NAV3: variants seen among roughly 807,000 people sequenced by gnomAD.
The protein encoded by NAV3 is neuron navigator 3.
A neutral mutation model predicts 244.7 loss-of-function variants in NAV3; 87 were observed. The ratio of observed to expected loss-of-function variants is 0.36; its 90% CI spans 0.30 to 0.42. The LOEUF (loss-of-function observed/expected upper bound fraction) is 0.42. Among genes scored for constraint, NAV3 ranks in the 20% least tolerant of loss-of-function variants. The pLI is 1.00. For missense variants in NAV3, 2,663 were observed against 2,893.3 expected, an observed-to-expected ratio of 0.92 and a Z score of 1.83; for synonymous variants, 1,126 against 1,042.2, an observed-to-expected ratio of 1.08 and a Z score of -1.55.
chr12:77,582,387 G>T (rs1261782383), intron 2 of NAV3, among the ~76,000 whole-genome samples: 1 of 152,186 alleles, frequency 6.6e-6, no homozygotes, highest in Non-Finnish European at 1.5e-5. Context: ...GTGAAAAATA[G>T]TCCAGATTTG....
chr12:77,748,092 TC>T (rs1432607126), intron 2 of NAV3, among the ~76,000 whole-genome samples: 4 of 152,140 alleles, frequency 2.6e-5, no homozygotes, highest in Admixed American at 1.3e-4. Flanking sequence ...TCAAAAGTAA[TC>T]AGAAAGTAGC....
At chr12:77,932,904 T>C (rs1888948238) in intron 1 of NAV3, among the ~76,000 whole-genome samples, 2 of 152,206 alleles carry the variant, frequency 1.3e-5, no homozygotes, top group Admixed American at 1.3e-4. Flanking sequence ...ATGAGGCTAT[T>C]TCATAGCTCT....
Position 77,831,207 on chromosome 12 carries a change from G to GAGAA in NAV3, c.-252_-251insAAGA, listed in dbSNP as rs1873626938. 3.5e-6 allele frequency: 1 copy of GAGAA among 289,140 alleles called. No individual in the cohort carries two copies. Among genetic ancestry groups the GAGAA allele is most frequent in the African/African-American group, 2.3e-5 (1 of 43,958 alleles). 17.9% of individuals were successfully genotyped at this position (289,140 alleles called of 1,614,324 possible). A position where few individuals can be genotyped will look rare whatever the true frequency, so the allele number is the denominator to read the frequency against. On this transcript the variant is annotated 5_prime_UTR_variant, in exon 1 of 40. Transcript: ENST00000397909. ...AGAGAGAGAGAGACAGAGAGAGAGA[G>GAGAA]AGAGAGAGAGAAAGAGAGAGAGAGA...
In NAV3 at chr12:77,615,859, G is replaced by C. The variant is rs2136842638; in HGVS notation, c.72+43593G>C. On this transcript the variant is annotated intron_variant, in intron 2 of 8. Coordinates refer to the NAV3 transcript ENST00000550042. ...ATAGTTCCCTCTCTCTGCTGCTGTG[G>C]CATTTCATTTCAACATCATCTCTTC... 2.0e-5 allele frequency among the ~76,000 whole-genome samples: 3 copies of C among 152,142 alleles called. 1 individual carries two copies. Among genetic ancestry groups the C allele is most frequent in the Middle Eastern group, 6.8e-3 (2 of 294 alleles).
intron 2 of NAV3, among the ~76,000 whole-genome samples, chr12:77,799,327 TTA>T (rs2135965566): frequency 6.6e-6 from 1 of 152,358 alleles, no homozygotes; most frequent in South Asian, 2.1e-4. Context: ...TAGTGAAATT[TTA>T]ATTTATGTGA....
intron 2 of NAV3, 54 bp downstream of exon 2, chr12:77,940,490 G>A (rs926744347): frequency 3.1e-5 from 44 of 1,411,166 alleles, no homozygotes; most frequent in Non-Finnish European, 4.1e-5. Context: ...CATCTCTTTG[G>A]TAAAGCACAA....
chr12:77,870,126 G>GGAGGCT (rs1880715619), intron 1 of NAV3, among the ~76,000 whole-genome samples: 1 of 152,078 alleles, frequency 6.6e-6, no homozygotes, highest in African/African-American at 2.4e-5. Flanking sequence ...CAGCACTTAG[G>GGAGGCT]GAGGCTGAGG....
At chr12:77,576,776 G>A (rs1435513412) in intron 2 of NAV3, among the ~76,000 whole-genome samples, 1 of 152,062 alleles carries the variant, frequency 6.6e-6, no homozygotes, top group African/African-American at 2.4e-5. Context: ...AAAGTTTAGT[G>A]AGGATAGGTC....
At chr12:78,025,998 T>G (rs1877991160) in intron 9 of NAV3, among the ~76,000 whole-genome samples, 1 of 152,166 alleles carries the variant, frequency 6.6e-6, no homozygotes, top group African/African-American at 2.4e-5. Context: ...CTAAGATACT[T>G]GATTTTCAGA....
intron 2 of NAV3, among the ~76,000 whole-genome samples, chr12:77,787,117 C>A (rs1374403691): frequency 2.0e-5 from 3 of 152,038 alleles, no homozygotes; most frequent in Non-Finnish European, 4.4e-5. Context: ...ATGTGGCTCA[C>A]CTGTCCCACT....
intron 1 of NAV3, among the ~76,000 whole-genome samples, chr12:77,892,452 G>C (rs943374910): frequency 6.7e-6 from 1 of 148,912 alleles, no homozygotes; most frequent in Non-Finnish European, 1.5e-5. Context: ...ATCTTGCTCT[G>C]TCACCCATAC....
chr12:78,128,753 G>T lies in NAV3; in HGVS notation c.4328G>T (p.Trp1443Leu). 1.2e-6 allele frequency: 2 copies of T among 1,614,000 alleles called. No individual in the cohort carries two copies. Among genetic ancestry groups the T allele is most frequent in the Non-Finnish European group, 1.7e-6 (2 of 1,179,982 alleles). Residue 1443 changes from tryptophan (W) to leucine (L), a missense_variant, in exon 18 of 40, where the codon TGG (tryptophan) becomes TTG (leucine). Physicochemically the swap from Trp to Leu is moderately conservative, Grantham distance 61 (BLOSUM62 -2). Transcript: ENST00000397909. ...RQANQEEGKE[W>L]LRSHSTGGLQ... The stretch of plus-strand genomic sequence containing the variant: ...GCCAACCAAGAAGAGGGCAAAGAGT[G>T]GTTGCGTTCTCATTCTACTGGAGGG...
intron 1 of NAV3, among the ~76,000 whole-genome samples, chr12:77,882,500 C>A (rs1655417980): frequency 6.6e-6 from 1 of 152,090 alleles, no homozygotes; most frequent in Non-Finnish European, 1.5e-5. Context: ...CTAGGAAATA[C>A]CCTTCCTGAC....
intron 8 of NAV3, among the ~76,000 whole-genome samples, chr12:78,008,341 C>G (rs183856079): frequency 5.3e-5 from 8 of 152,060 alleles, no homozygotes; most frequent in Admixed American, 5.2e-4. Context: ...AATATGCATC[C>G]TACCATCCAA....
Position 77,940,445 on chromosome 12 carries a change from T to A in NAV3, c.361+9T>A, listed in dbSNP as rs775085754. The A allele has an allele frequency of 6.3e-7, 1 of 1,599,100 alleles. No individual in the cohort carries two copies. The highest frequency in any genetic ancestry group is 1.3e-5 in the African/African-American group (1 of 74,674). On this transcript the variant is annotated intron_variant, in intron 2 of 39. Coordinates refer to ENST00000397909, the MANE Select transcript of NAV3 (RefSeq NM_001024383.2). ...AATCATCCAGATTATTGGTAAGCCCTTCCTTCTGAAAGAAAGCATGAAAGT... is the reference window on the plus strand; with the variant it reads ...AATCATCCAGATTATTGGTAAGCCCATCCTTCTGAAAGAAAGCATGAAAGT...
At chr12:78,009,790 C>G (rs577836703) in intron 8 of NAV3, among the ~76,000 whole-genome samples, 1 of 152,012 alleles carries the variant, frequency 6.6e-6, no homozygotes, top group Non-Finnish European at 1.5e-5. Context: ...ATGCCTACCT[C>G]GATTGATTGT....
chr12:77,770,966 G>A (rs984121893), intron 2 of NAV3, among the ~76,000 whole-genome samples: 2 of 152,004 alleles, frequency 1.3e-5, no homozygotes, highest in Non-Finnish European at 2.9e-5. Context: ...TACCATCAGC[G>A]TGAACAGGCA....
chr12:77,734,253 C>T (rs111423995), intron 2 of NAV3, among the ~76,000 whole-genome samples: 1 of 151,902 alleles, frequency 6.6e-6, no homozygotes, highest in Admixed American at 6.6e-5. Context: ...TTTCGATGAA[C>T]CAGTCATTTC....
intron 8 of NAV3, among the ~76,000 whole-genome samples, chr12:78,012,275 A>C (rs575917604): frequency 3.9e-5 from 6 of 152,024 alleles, no homozygotes; most frequent in South Asian, 4.2e-4. Context: ...CCAAGCCACA[A>C]CACCACCAAT....
Sources: gnomAD v4.1 joint callset for allele counts (sites outside exome capture counted in the v4.1 genomes callset) on GRCh38, gnomAD v4.1.1 for gene constraint, MANE v1.5 for transcripts, NCBI Gene and HGNC (gene_info 2026-07-23, HGNC 2026-07-21) for gene names.